Variants in ATP10B observed in about 807,000 individuals in gnomAD.
ATP10B encodes ATPase phospholipid transporting 10B (putative).
Under a neutral mutation model 141.2 loss-of-function variants are expected in ATP10B, and 122 were observed. That is an observed-to-expected ratio of 0.86 (90% CI 0.75 to 1.00). The LOEUF is 1.00. ATP10B is among the 50% of genes least tolerant of loss of function. ATP10B has a pLI of 0.00. For synonymous variants in ATP10B, 685 were observed against 692.0 expected, an observed-to-expected ratio of 0.99 and a Z score of 0.16; for missense variants, 1,876 against 1,825.3, an observed-to-expected ratio of 1.03 and a Z score of -0.51.
At chr5:160,805,925 G>A (rs1455013588) in intron 1 of ATP10B, among the ~76,000 whole-genome samples, 2 of 152,160 alleles carry the variant, frequency 1.3e-5, no homozygotes, top group East Asian at 1.9e-4. Context: ...GCTGGAGATG[G>A]GGGAAAGCCA....
chr5:160,799,230 T>G (rs137938929), intron 1 of ATP10B, among the ~76,000 whole-genome samples: 1 of 152,170 alleles, frequency 6.6e-6, no homozygotes, highest in Non-Finnish European at 1.5e-5. Flanking sequence ...GTCTGTGCCA[T>G]TTGCAGTGTC....
the ATP10B span, among the ~76,000 whole-genome samples, chr5:160,859,414 A>G: frequency 6.6e-6 from 1 of 151,770 alleles, no homozygotes; most frequent in Non-Finnish European, 1.5e-5. Context: ...CAGAAGTTTA[A>G]TTATATCTTG....
the ATP10B span, among the ~76,000 whole-genome samples, chr5:160,864,013 C>T: frequency 6.6e-6 from 1 of 151,894 alleles, no homozygotes; most frequent in African/African-American, 2.4e-5. Context: ...TTATATCAGG[C>T]ATTCAAAGAA....
intron 1 of ATP10B, among the ~76,000 whole-genome samples, chr5:160,794,265 G>A (rs1045088844): frequency 6.6e-6 from 1 of 152,102 alleles, no homozygotes; most frequent in Non-Finnish European, 1.5e-5. Context: ...TGAGCAGGAT[G>A]GTGAATGTCT....
At chr5:160,767,411 C>CT (rs1769530962) in intron 2 of ATP10B, among the ~76,000 whole-genome samples, 1 of 152,030 alleles carries the variant, frequency 6.6e-6, no homozygotes, top group Non-Finnish European at 1.5e-5. Flanking sequence ...TTTTCATCCC[C>CT]TTTTTCCAAA....
At chr5:160,874,672 T>C in the ATP10B span, among the ~76,000 whole-genome samples, 1 of 151,822 alleles carries the variant, frequency 6.6e-6, no homozygotes, top group South Asian at 2.1e-4. Flanking sequence ...GAATAATCAA[T>C]ACAGAGAAGC....
At chr5:160,799,630 G>T (rs1335815810) in intron 1 of ATP10B, among the ~76,000 whole-genome samples, 1 of 152,150 alleles carries the variant, frequency 6.6e-6, no homozygotes, top group Admixed American at 6.5e-5. Flanking sequence ...TGGATGACTG[G>T]ATTCAGATGA....
At chr5:160,782,337 A>G (rs1770772854) in intron 2 of ATP10B, among the ~76,000 whole-genome samples, 1 of 152,124 alleles carries the variant, frequency 6.6e-6, no homozygotes, top group Non-Finnish European at 1.5e-5. Context: ...GGTTGTCTGC[A>G]ATAACAGCAG....
intron 24 of ATP10B, among the ~76,000 whole-genome samples, chr5:160,583,903 C>G (rs1012698457): frequency 1.3e-5 from 2 of 152,172 alleles, no homozygotes; most frequent in African/African-American, 4.8e-5. Context: ...TGTACCAGGT[C>G]AACTTCAGAC....
chr5:160,611,128 A>G (rs1757696864), intron 18 of ATP10B, among the ~76,000 whole-genome samples: 1 of 152,202 alleles, frequency 6.6e-6, no homozygotes, highest in African/African-American at 2.4e-5. Context: ...TTACAGGTTT[A>G]GTGAGCCCAA....
chr5:160,636,859 C>CCCTT (rs764790140), intron 10 of ATP10B, among the ~76,000 whole-genome samples: 11 of 148,022 alleles, frequency 7.4e-5, no homozygotes, highest in East Asian at 4.2e-4. Flanking sequence ...CATATACCCA[C>CCCTT]CCTTCCTTCC....
chr5:160,874,760 G>A, the ATP10B span, among the ~76,000 whole-genome samples: 14 of 151,638 alleles, frequency 9.2e-5, no homozygotes, highest in African/African-American at 1.7e-4. Flanking sequence ...GAGCCGATGC[G>A]ATCAACTGGA....
At chr5:160,670,362 T>C in intron 7 of ATP10B, 101 bp downstream of exon 7, 1 of 1,143,664 alleles carries the variant, frequency 8.7e-7, no homozygotes, top group Non-Finnish European at 1.3e-6. Flanking sequence ...AGGCATCTAC[T>C]ACTTTCCCCT....
chr5:160,846,260 C>T (rs934260346), intron 1 of ATP10B, among the ~76,000 whole-genome samples: 12 of 152,026 alleles, frequency 7.9e-5, no homozygotes, highest in Admixed American at 6.6e-4. Flanking sequence ...ACTAAACTTG[C>T]CGTGTTGAGC....
intron 6 of ATP10B, among the ~76,000 whole-genome samples, chr5:160,679,714 T>A (rs1763260475): frequency 1.3e-5 from 2 of 152,222 alleles, no homozygotes; most frequent in Admixed American, 6.5e-5. Flanking sequence ...AGTCTTGAAT[T>A]AAAATTTGCT....
In ATP10B at chr5:160,625,765, G is replaced by A. The variant is rs60273293; in HGVS notation, c.1621-3180C>T. ...TGCTATGAGGGCAGAGACTGTCTCT[G>A]ATGTGTCCCTCATGCCTGGTGGATT... On this transcript the variant is annotated intron_variant, in intron 13 of 25. Coordinates refer to ENST00000327245, the MANE Select transcript of ATP10B (RefSeq NM_025153.3). Among the ~76,000 whole-genome samples, 29 of 152,354 alleles carry A rather than the reference G, an allele frequency of 1.9e-4. 1 individual carries two copies. In the East Asian group the frequency reaches 5.6e-3, roughly 29 times the overall value.
intron 1 of ATP10B, among the ~76,000 whole-genome samples, chr5:160,833,467 G>A (rs1388641925): frequency 6.6e-6 from 1 of 152,104 alleles, no homozygotes; most frequent in Non-Finnish European, 1.5e-5. Flanking sequence ...TGAATAGAAA[G>A]GGATATGCTC....
chr5:160,789,091 G>A lies in ATP10B; in HGVS notation c.-575-3288C>T, dbSNP rs118140563. On this transcript the variant is annotated intron_variant, in intron 1 of 25. Transcript: ENST00000327245. ...GATATTTATGTGCATGCATACATGAGTGCACACACCTCATGTACATGCACC... is the reference window on the plus strand; with the variant it reads ...GATATTTATGTGCATGCATACATGAATGCACACACCTCATGTACATGCACC... 2.0e-4 allele frequency among the ~76,000 whole-genome samples: 31 copies of A among 152,238 alleles called. 1 individual carries two copies. In the East Asian group the frequency reaches 4.8e-3, roughly 24 times the overall value.
chr5:160,727,553 T>C (rs1021196725), intron 2 of ATP10B, among the ~76,000 whole-genome samples: 63 of 152,210 alleles, frequency 4.1e-4, no homozygotes, highest in African/African-American at 1.4e-3. Flanking sequence ...GAGGGTGTTT[T>C]CATTTTTATT....
Sources: allele counts gnomAD v4.1 joint callset (sites outside exome capture counted in the v4.1 genomes callset), GRCh38; gene constraint gnomAD v4.1.1; transcripts MANE v1.5; gene names NCBI Gene and HGNC (gene_info 2026-07-23, HGNC 2026-07-21).